ZBTB20: variants seen among roughly 807,000 people sequenced by gnomAD.
The protein encoded by ZBTB20 is zinc finger and BTB domain containing 20.
A neutral mutation model predicts 56.9 loss-of-function variants in ZBTB20; 9 were observed. The ratio of observed to expected loss-of-function variants is 0.16; its 90% CI spans 0.10 to 0.28. ZBTB20 has a LOEUF of 0.28. ZBTB20 is among the 10% of genes least tolerant of loss of function. ZBTB20 has a pLI of 1.00. For synonymous variants in ZBTB20, 417 were observed against 420.7 expected (o/e 0.99, Z 0.11); for missense variants, 655 against 1,003.0 (o/e 0.65, Z 4.69).
rs1408055578 is a variant in ZBTB20 at position 114,761,326 on chromosome 3, A to G, written c.-343+39775T>C. ...CTAGGGACTAATCTAAGGACTTTAC[A>G]TATAGTATCTCATTTAATTCCCACA... On this transcript the variant is annotated intron_variant, in intron 5 of 11. Transcript: ENST00000675478. 1.2e-4 allele frequency among the ~76,000 whole-genome samples: 19 copies of G among 152,148 alleles called. 1 individual carries two copies. Among genetic ancestry groups the G allele is most frequent in the Admixed American group, 1.2e-3 (18 of 15,258 alleles).
At chr3:114,925,522 T>G (rs776238462) in intron 3 of ZBTB20, among the ~76,000 whole-genome samples, 27 of 152,016 alleles carry the variant, frequency 1.8e-4, no homozygotes, top group African/African-American at 6.3e-4. Context: ...TGTTTGGTTG[T>G]TTGTTTTTGT....
chr3:114,348,052 G>C (rs2080339124), intron 11 of ZBTB20, among the ~76,000 whole-genome samples: 1 of 152,112 alleles, frequency 6.6e-6, no homozygotes, highest in Non-Finnish European at 1.5e-5. Context: ...GAATCCATTG[G>C]AGAAATGTAT....
At position 114,715,364 on chromosome 3, in the gene ZBTB20, C is replaced by T. The variant is rs188026846; in HGVS notation, c.-342-21789G>A. On this transcript the variant is annotated intron_variant, in intron 5 of 11. Transcript: ENST00000675478. ...ACCTTTGTCATACCTTTTTCCCCTC[C>T]GGGAGGCTTTTAAGGAAGGTTAGGG... Among the ~76,000 whole-genome samples the T allele has an allele frequency of 5.0e-4, 76 of 152,218 alleles. 1 individual carries two copies. Among genetic ancestry groups the T allele is most frequent in the East Asian group, 9.7e-4 (5 of 5,170 alleles).
intron 2 of ZBTB20, among the ~76,000 whole-genome samples, chr3:115,059,170 G>A (rs1013183834): frequency 6.6e-6 from 1 of 151,880 alleles, no homozygotes; most frequent in African/African-American, 2.4e-5. Context: ...TTTTTTCATT[G>A]GTAATTTTTT....
intron 6 of ZBTB20, among the ~76,000 whole-genome samples, chr3:114,689,049 T>C (rs968173117): frequency 6.6e-6 from 1 of 152,124 alleles, no homozygotes; most frequent in Non-Finnish European, 1.5e-5. Flanking sequence ...TAAGTGAAGA[T>C]TTCTTTCGTT....
chr3:114,321,075 A>T lies in ZBTB20; in HGVS notation c.*17930T>A, dbSNP rs924725133. ...AGGTGGACAGTAAGACCAGGTGGACAGCATTTGAGAAACTGGCTGGACACA... is the reference window on the plus strand; with the variant it reads ...AGGTGGACAGTAAGACCAGGTGGACTGCATTTGAGAAACTGGCTGGACACA... On this transcript the variant is annotated 3_prime_UTR_variant, in exon 12 of 12. Coordinates refer to ENST00000675478, the MANE Select transcript of ZBTB20 (RefSeq NM_001348800.3). The T allele has an allele frequency of 6.6e-6, 1 of 152,246 alleles. No individual in the cohort carries two copies. The highest frequency in any genetic ancestry group is 2.4e-5 in the African/African-American group (1 of 41,466). 9.4% of individuals were successfully genotyped at this position (152,246 alleles called of 1,614,324 possible). A position where few individuals can be genotyped will look rare whatever the true frequency, so the allele number is the denominator to read the frequency against.
chr3:114,466,255 T>C (rs2092547551), intron 7 of ZBTB20, among the ~76,000 whole-genome samples: 1 of 152,202 alleles, frequency 6.6e-6, no homozygotes, highest in African/African-American at 2.4e-5. Context: ...ATGTGCCTAA[T>C]ATTATTGTAA....
intron 7 of ZBTB20, among the ~76,000 whole-genome samples, chr3:114,461,544 G>A (rs941156518): frequency 3.9e-5 from 6 of 152,132 alleles, no homozygotes; most frequent in African/African-American, 1.2e-4. Context: ...GGCCTCAAAT[G>A]GTCCTCCCAC....
chr3:114,767,816 T>C (rs1372730307), intron 5 of ZBTB20, among the ~76,000 whole-genome samples: 2 of 152,114 alleles, frequency 1.3e-5, no homozygotes, highest in East Asian at 1.9e-4. Flanking sequence ...CTCCAGCTGA[T>C]GCTCACTTTG....
At chr3:115,005,258 G>A (rs2079416086) in intron 2 of ZBTB20, among the ~76,000 whole-genome samples, 1 of 151,506 alleles carries the variant, frequency 6.6e-6, no homozygotes, top group African/African-American at 2.4e-5. Flanking sequence ...ATTGGTCATT[G>A]GGTTTATCTG....
intron 5 of ZBTB20, among the ~76,000 whole-genome samples, chr3:114,787,368 T>TATATACACACATAC (rs1433434685): frequency 6.6e-5 from 7 of 106,314 alleles, no homozygotes; most frequent in South Asian, 2.7e-4. Context: ...TATATATATA[T>TATATACACACATAC]ACACACACAC....
chr3:115,059,625 C>T (rs529101194), intron 2 of ZBTB20, among the ~76,000 whole-genome samples: 2 of 152,230 alleles, frequency 1.3e-5, no homozygotes, highest in South Asian at 4.1e-4. Context: ...TGCAGATTTC[C>T]AAAGTTCCTT....
intron 7 of ZBTB20, among the ~76,000 whole-genome samples, chr3:114,451,748 G>A (rs376301209): frequency 1.3e-5 from 2 of 152,128 alleles, no homozygotes; most frequent in East Asian, 1.9e-4. Context: ...AGGACACGTC[G>A]CCAAGAACTG....
At chr3:114,400,406 C>T (rs1262152726) in intron 7 of ZBTB20, among the ~76,000 whole-genome samples, 2 of 152,052 alleles carry the variant, frequency 1.3e-5, no homozygotes, top group African/African-American at 4.8e-5. Context: ...AGTACTGAAT[C>T]AATGTTGTCT....
intron 6 of ZBTB20, among the ~76,000 whole-genome samples, chr3:114,640,394 A>G (rs1437635744): frequency 2.0e-5 from 3 of 152,120 alleles, no homozygotes; most frequent in African/African-American, 7.2e-5. Flanking sequence ...TGAATCATTC[A>G]ATAATGCTTA....
chr3:114,596,641 G>A (rs1386418539), intron 6 of ZBTB20, among the ~76,000 whole-genome samples: 4 of 152,084 alleles, frequency 2.6e-5, no homozygotes, highest in African/African-American at 7.2e-5. Context: ...GTACACAGCC[G>A]GCCACAGCTC....
intron 7 of ZBTB20, among the ~76,000 whole-genome samples, chr3:114,420,397 T>C (rs78692875): frequency 0.017 from 2,540 of 152,262 alleles, 74 homozygotes; most frequent in African/African-American, 0.057. Flanking sequence ...CTTATCCCCA[T>C]TGCGACTGGC....
At chr3:114,663,486 A>G (rs2060865635) in intron 6 of ZBTB20, among the ~76,000 whole-genome samples, 1 of 149,864 alleles carries the variant, frequency 6.7e-6, no homozygotes, top group Admixed American at 6.7e-5. Context: ...TCAACTAACG[A>G]GCAAAATCAC....
At chr3:114,713,099 G>C (rs1264252721) in intron 5 of ZBTB20, among the ~76,000 whole-genome samples, 1 of 152,126 alleles carries the variant, frequency 6.6e-6, no homozygotes, top group African/African-American at 2.4e-5. Flanking sequence ...ACCATATGAA[G>C]TGCAAATCCC....
Sources: allele counts gnomAD v4.1 joint callset (sites outside exome capture counted in the v4.1 genomes callset), GRCh38; gene constraint gnomAD v4.1.1; transcripts MANE v1.5; gene names NCBI Gene and HGNC (gene_info 2026-07-23, HGNC 2026-07-21).